CDK17: variants seen among roughly 807,000 people sequenced by gnomAD.
The protein encoded by CDK17 is cyclin-dependent kinase 17.
CDK17 carries 24 observed loss-of-function variants against 77.6 expected under a neutral mutation model. The ratio of observed to expected loss-of-function variants is 0.31; its 90% CI spans 0.22 to 0.44. The LOEUF (loss-of-function observed/expected upper bound fraction) is 0.44. Ranked by LOEUF, CDK17 falls within the 20% of genes least tolerant of loss-of-function variation. The pLI, the probability that CDK17 is intolerant of heterozygous loss-of-function variation, is 1.00. For missense variants in CDK17, 429 were observed against 622.5 expected (o/e 0.69, Z 3.31); for synonymous variants, 203 against 210.4 (o/e 0.96, Z 0.30).
chr12:96,363,929 C>A lies in CDK17; in HGVS notation c.-29-29064G>T, dbSNP rs114614186. ...AGAGGTTCACAGTGCGAGAAGGCAA[C>A]CAAGTAGCCCCATTAGCAACTTCTG... is the stretch of plus-strand genomic sequence containing the variant. On this transcript the variant is annotated intron_variant, in intron 1 of 16. Coordinates refer to ENST00000261211, the MANE Select transcript of CDK17 (RefSeq NM_002595.5). Among the ~76,000 whole-genome samples the A allele has an allele frequency of 2.3e-3, 349 of 152,320 alleles. 1 individual carries two copies. The highest frequency in any genetic ancestry group is 8.1e-3 in the African/African-American group (336 of 41,564).
chr12:96,332,580 T>C (rs1212664552), intron 2 of CDK17, among the ~76,000 whole-genome samples: 1 of 152,200 alleles, frequency 6.6e-6, no homozygotes, highest in Non-Finnish European at 1.5e-5. Context: ...CAAAAAGGTG[T>C]AGAATCTCTG....
chr12:96,379,430 A>G (rs889261246), intron 1 of CDK17, among the ~76,000 whole-genome samples: 4 of 151,232 alleles, frequency 2.6e-5, no homozygotes, highest in Non-Finnish European at 5.9e-5. Flanking sequence ...TTTTAAATCT[A>G]ATTTTTTTTT....
At chr12:96,286,454 T>G (rs1018869426) in intron 12 of CDK17, among the ~76,000 whole-genome samples, 10 of 152,140 alleles carry the variant, frequency 6.6e-5, no homozygotes, top group Non-Finnish European at 1.3e-4. Context: ...GTTCTGTTTT[T>G]CCATAAAATC....
At chr12:96,297,750 G>T in intron 7 of CDK17, 29 bp from the exon 8 acceptor site, 1 of 1,153,414 alleles carries the variant, frequency 8.7e-7, no homozygotes, top group Non-Finnish European at 1.3e-6. Flanking sequence ...AAATTGTTTA[G>T]TCTGTGGCAG....
intron 10 of CDK17, among the ~76,000 whole-genome samples, chr12:96,292,909 G>C (rs553827409): frequency 2.6e-5 from 4 of 152,054 alleles, no homozygotes; most frequent in African/African-American, 9.6e-5. Flanking sequence ...GAGTAATGGT[G>C]GCAGGTATAT....
At chr12:96,317,830 G>A (rs1374328769) in intron 3 of CDK17, among the ~76,000 whole-genome samples, 44 of 150,302 alleles carry the variant, frequency 2.9e-4, no homozygotes, top group African/African-American at 1.0e-3. Context: ...ACTGGTACCA[G>A]CCGCTGCAAA....
At chr12:96,335,569 G>A (rs1183857293) in intron 1 of CDK17, among the ~76,000 whole-genome samples, 3 of 152,190 alleles carry the variant, frequency 2.0e-5, no homozygotes, top group Non-Finnish European at 2.9e-5. Context: ...ATGAGGAAAC[G>A]TGCTCAAAGA....
intron 2 of CDK17, among the ~76,000 whole-genome samples, chr12:96,325,958 C>T (rs1431768736): frequency 6.6e-6 from 1 of 152,160 alleles, no homozygotes; most frequent in South Asian, 2.1e-4. Flanking sequence ...CAGGAGTTTG[C>T]GGCTGCAGTG....
At chr12:96,390,986 C>A (rs1192206620) in intron 1 of CDK17, among the ~76,000 whole-genome samples, 4 of 148,932 alleles carry the variant, frequency 2.7e-5, no homozygotes, top group Non-Finnish European at 5.9e-5. Context: ...ACTCGGGAGG[C>A]TGAGACAGGA....
chr12:96,298,579 T>C (rs1307194060), intron 7 of CDK17, among the ~76,000 whole-genome samples: 1 of 152,196 alleles, frequency 6.6e-6, no homozygotes, highest in East Asian at 1.9e-4. Context: ...ATTTATTTAG[T>C]TTATCTGGTT....
intron 10 of CDK17, among the ~76,000 whole-genome samples, chr12:96,294,037 TA>T (rs1322568216): frequency 6.6e-6 from 1 of 152,220 alleles, no homozygotes; most frequent in Non-Finnish European, 1.5e-5. Flanking sequence ...GTCAGTCATT[TA>T]AGTAAAAATG....
rs1162927863 is a variant in CDK17, at chr12:96,289,324, G to C, written c.998-37C>G. On this transcript the variant is annotated intron_variant, in intron 10 of 16. Transcript: ENST00000261211. ...AAATAAAACAAAGGGTTAAGAAAAA[G>C]CTTTAATGGATCTCTCAGACCCTAT... is the stretch of plus-strand genomic sequence containing the variant. 5.6e-6 allele frequency: 9 copies of C among 1,612,054 alleles called. No homozygotes were observed. In the African/African-American group the frequency reaches 1.2e-4, roughly 22 times the overall value.
intron 1 of CDK17, among the ~76,000 whole-genome samples, chr12:96,385,957 G>A (rs1187635976): frequency 6.6e-6 from 1 of 151,908 alleles, no homozygotes; most frequent in African/African-American, 2.4e-5. Context: ...AAACTAAAAC[G>A]CTCCAAGTAG....
At chr12:96,380,229 C>T in intron 1 of CDK17, among the ~76,000 whole-genome samples, 1 of 149,324 alleles carries the variant, frequency 6.7e-6, no homozygotes. Flanking sequence ...TCTCATGTCT[C>T]TGAGGTGAAC....
At chr12:96,350,027 T>A (rs1466369164) in intron 1 of CDK17, among the ~76,000 whole-genome samples, 1 of 152,088 alleles carries the variant, frequency 6.6e-6, no homozygotes, top group East Asian at 1.9e-4. Context: ...TAGAATAGCA[T>A]CAAAAACAGT....
chr12:96,334,957 AG>A (rs1422065391), intron 1 of CDK17, 92 bp from the exon 2 acceptor site: 1 of 691,240 alleles, frequency 1.4e-6, no homozygotes. Context: ...TCTTTAAAAT[AG>A]GAATATAATG....
chr12:96,335,122 T>C (rs1041566130), intron 1 of CDK17: 2 of 501,886 alleles, frequency 4.0e-6, no homozygotes, highest in Non-Finnish European at 7.4e-6. Flanking sequence ...CAAATAAGTT[T>C]AGAAGGATTG....
chr12:96,331,792 G>C (rs1486958313), intron 2 of CDK17, among the ~76,000 whole-genome samples: 2 of 152,168 alleles, frequency 1.3e-5, no homozygotes, highest in African/African-American at 2.4e-5. Context: ...TCTGGATCTA[G>C]AGTATGCATG....
intron 1 of CDK17, among the ~76,000 whole-genome samples, chr12:96,345,110 A>T (rs1412818362): frequency 6.6e-6 from 1 of 152,186 alleles, no homozygotes; most frequent in Non-Finnish European, 1.5e-5. Flanking sequence ...TAGTTTGCTG[A>T]GCATAATGGT....
Sources: gnomAD v4.1 joint callset for allele counts (sites outside exome capture counted in the v4.1 genomes callset) on GRCh38, gnomAD v4.1.1 for gene constraint, MANE v1.5 for transcripts, NCBI Gene and HGNC (gene_info 2026-07-23, HGNC 2026-07-21) for gene names.